The following CAST variants were observed in gnomAD, a reference collection of about 807,000 sequenced individuals.
CAST encodes calpastatin.
Under a neutral mutation model 119.6 loss-of-function variants are expected in CAST, and 76 were observed. The observed-to-expected ratio is 0.64, with a 90% CI of 0.53 to 0.77. The LOEUF (loss-of-function observed/expected upper bound fraction) is 0.77. CAST is among the 30% of genes least tolerant of loss of function. The pLI is 0.00. For missense variants in CAST, 953 were observed against 946.5 expected (o/e 1.01, Z -0.09); for synonymous variants, 319 against 331.6 (o/e 0.96, Z 0.41).
chr5:96,696,266 C>T (rs1004178455), intron 3 of CAST: 1 of 157,580 alleles, frequency 6.3e-6, no homozygotes, highest in South Asian at 1.9e-4. Flanking sequence ...ATTAACCACA[C>T]CAGGCGTGCT....
the CAST span, among the ~76,000 whole-genome samples, chr5:96,420,787 AAGAGAGAG>A: frequency 7.0e-6 from 1 of 143,352 alleles, no homozygotes; most frequent in Non-Finnish European, 1.5e-5. Context: ...GAGAGAGAGA[AAGAGAGAG>A]AGAGAGAGAG....
At chr5:96,172,420 A>G in the CAST span, among the ~76,000 whole-genome samples, 1 of 152,228 alleles carries the variant, frequency 6.6e-6, no homozygotes, top group Non-Finnish European at 1.5e-5. Flanking sequence ...GAAGCCTGAC[A>G]GTCCAGACCA....
intron 1 of CAST, among the ~76,000 whole-genome samples, chr5:96,616,753 T>TACACAC (rs377159898): frequency 1.7e-3 from 216 of 130,810 alleles, no homozygotes; most frequent in African/African-American, 4.6e-3. Flanking sequence ...TCTATATATA[T>TACACAC]ACACACACAC....
chr5:96,067,270 T>G, the CAST span, among the ~76,000 whole-genome samples: 1 of 152,338 alleles, frequency 6.6e-6, no homozygotes, highest in South Asian at 2.1e-4. Context: ...CTTTTACAAT[T>G]TAATCTGACA....
In CAST at chr5:96,653,302, A is replaced by T. The variant is rs529821280; in HGVS notation, c.61-22237A>T. On this transcript the variant is annotated intron_variant, in intron 1 of 11. Transcript: ENST00000505143. ...TGTTTTTAATCACATTTTTTTCCTCAAAGTCAACTGCATAATAAATTCATA... is the reference window on the plus strand; with the variant it reads ...TGTTTTTAATCACATTTTTTTCCTCTAAGTCAACTGCATAATAAATTCATA... Among the ~76,000 whole-genome samples, 5 of 152,338 alleles carry T rather than the reference A, an allele frequency of 3.3e-5. No homozygotes were observed. In the East Asian group the frequency reaches 9.6e-4, roughly 29 times the overall value.
the CAST span, among the ~76,000 whole-genome samples, chr5:96,195,704 C>T: frequency 6.6e-6 from 1 of 152,090 alleles, no homozygotes; most frequent in African/African-American, 2.4e-5. Context: ...AGGAATTAGA[C>T]CCACATAATG....
At chr5:96,716,729 A>T (rs962998226) in intron 3 of CAST, among the ~76,000 whole-genome samples, 27 of 152,198 alleles carry the variant, frequency 1.8e-4, no homozygotes, top group African/African-American at 6.5e-4. Context: ...CATCTAGCAG[A>T]GCTGTTTGTA....
rs1033158945 is a variant in CAST at position 96,766,225 on chromosome 5, C to A, written c.2130+80C>A. 9 of 810,182 alleles carry A rather than the reference C, an allele frequency of 1.1e-5. No homozygotes were observed. In the African/African-American group the frequency reaches 1.2e-4, roughly 11 times the overall value. 50.2% of individuals were successfully genotyped at this position (810,182 alleles called of 1,614,324 possible). ...AAACCTCCCTTGAAATAAATAGTAG[C>A]TATACTCCTTTACAATAGCATAAAA... On this transcript the variant is annotated intron_variant, in intron 27 of 31. Coordinates refer to ENST00000675179, the MANE Select transcript of CAST (RefSeq NM_001750.7).
chr5:96,206,934 T>C, the CAST span, among the ~76,000 whole-genome samples: 1 of 152,180 alleles, frequency 6.6e-6, no homozygotes, highest in Non-Finnish European at 1.5e-5. Context: ...TTCCTATCCA[T>C]GAGCATGGAA....
At chr5:96,610,973 G>A (rs1007627456) in intron 1 of CAST, among the ~76,000 whole-genome samples, 1 of 151,996 alleles carries the variant, frequency 6.6e-6, no homozygotes, top group Non-Finnish European at 1.5e-5. Context: ...TAACCGTGGA[G>A]GGGAAAGATG....
At chr5:96,494,012 C>T in the CAST span, among the ~76,000 whole-genome samples, 1 of 152,124 alleles carries the variant, frequency 6.6e-6, no homozygotes. Flanking sequence ...CCAGCCTGGG[C>T]AGCAGAACAA....
At chr5:96,042,293 T>C in the CAST span, among the ~76,000 whole-genome samples, 3 of 152,274 alleles carry the variant, frequency 2.0e-5, no homozygotes, top group African/African-American at 7.2e-5. Flanking sequence ...TTTTTGAGGG[T>C]CTTAAGTCAG....
the CAST span, among the ~76,000 whole-genome samples, chr5:96,295,021 C>T: frequency 3.9e-5 from 6 of 152,168 alleles, no homozygotes; most frequent in Non-Finnish European, 8.8e-5. Flanking sequence ...TGTTGTGTTT[C>T]TCTATCTGTG....
At chr5:96,361,742 T>G in the CAST span, among the ~76,000 whole-genome samples, 2 of 147,632 alleles carry the variant, frequency 1.4e-5, no homozygotes, top group Non-Finnish European at 3.0e-5. Flanking sequence ...TAGGTTGATC[T>G]CGGTGGGAGC....
the CAST span, among the ~76,000 whole-genome samples, chr5:96,456,282 TCAA>T: frequency 6.6e-6 from 1 of 152,184 alleles, no homozygotes; most frequent in Admixed American, 6.5e-5. Context: ...GGAAACTAAA[TCAA>T]AGTGTTTAAA....
the CAST span, among the ~76,000 whole-genome samples, chr5:96,425,045 AAAGAAAG>A: frequency 3.3e-4 from 48 of 144,024 alleles, no homozygotes; most frequent in South Asian, 5.4e-3. Flanking sequence ...AGAAAGAAAG[AAAGAAAG>A]AAAGAAAGAA....
the CAST span, among the ~76,000 whole-genome samples, chr5:96,450,602 A>G: frequency 2.0e-5 from 3 of 152,208 alleles, no homozygotes; most frequent in African/African-American, 7.2e-5. Flanking sequence ...ATAAGTAAAT[A>G]ATCCTCATAT....
chr5:96,248,518 A>G, the CAST span, among the ~76,000 whole-genome samples: 6 of 152,256 alleles, frequency 3.9e-5, no homozygotes, highest in African/African-American at 1.4e-4. Context: ...ATATACAGGA[A>G]TAAGTGGCAA....
chr5:96,631,513 G>A (rs1747818062), intron 1 of CAST, among the ~76,000 whole-genome samples: 1 of 138,878 alleles, frequency 7.2e-6, no homozygotes, highest in Middle Eastern at 3.8e-3. Flanking sequence ...TGGGCATTTA[G>A]GTTACTTTCA....
Sources: gnomAD v4.1 joint callset for allele counts (sites outside exome capture counted in the v4.1 genomes callset) on GRCh38, gnomAD v4.1.1 for gene constraint, MANE v1.5 for transcripts, NCBI Gene and HGNC (gene_info 2026-07-23, HGNC 2026-07-21) for gene names.